The following TMEM181 variants were observed in gnomAD, a reference collection of about 807,000 sequenced individuals.
TMEM181 encodes the protein transmembrane protein 181, also known as G protein-coupled receptor 178.
A neutral mutation model predicts 71.9 loss-of-function variants in TMEM181; 39 were observed. That is an observed-to-expected ratio of 0.54 (90% confidence interval 0.42 to 0.71). The LOEUF (loss-of-function observed/expected upper bound fraction) is 0.71. Among genes scored for constraint, TMEM181 ranks in the 30% least tolerant of loss-of-function variants. TMEM181 has a pLI of 0.00. For synonymous variants in TMEM181, 245 were observed against 228.8 expected, an observed-to-expected ratio of 1.07 and a Z score of -0.64; for missense variants, 595 against 583.0, an observed-to-expected ratio of 1.02 and a Z score of -0.21.
At chr6:158,626,825 C>A in intron 13 of TMEM181, 1 of 442,682 alleles carries the variant, frequency 2.3e-6, no homozygotes, top group South Asian at 1.6e-5. Flanking sequence ...CCCTCACACA[C>A]ACACCTTCAC....
chr6:158,588,556 T>C (rs1354810012), intron 5 of TMEM181, among the ~76,000 whole-genome samples: 3 of 152,198 alleles, frequency 2.0e-5, no homozygotes, highest in African/African-American at 7.2e-5. Flanking sequence ...TTCAAGGGAT[T>C]CTCCTGCCTC....
At chr6:158,584,931 C>A (rs575896921) in intron 4 of TMEM181, among the ~76,000 whole-genome samples, 1 of 151,774 alleles carries the variant, frequency 6.6e-6, no homozygotes, top group African/African-American at 2.4e-5. Flanking sequence ...TGAGAAAAAC[C>A]TATAATCAGA....
At chr6:158,592,785 G>C (rs1174206536) in intron 6 of TMEM181, among the ~76,000 whole-genome samples, 2 of 152,102 alleles carry the variant, frequency 1.3e-5, no homozygotes, top group Non-Finnish European at 2.9e-5. Context: ...ATGCATGGTG[G>C]TGCACACCTG....
intron 6 of TMEM181, among the ~76,000 whole-genome samples, chr6:158,598,553 G>A (rs935809551): frequency 1.3e-5 from 2 of 151,914 alleles, no homozygotes; most frequent in African/African-American, 4.8e-5. Context: ...GTGCTGCCCG[G>A]CTTCTCAGAC....
chr6:158,548,796 G>A (rs1168677024), intron 1 of TMEM181, among the ~76,000 whole-genome samples: 1 of 152,228 alleles, frequency 6.6e-6, no homozygotes, highest in Non-Finnish European at 1.5e-5. Flanking sequence ...GAAGTCATAG[G>A]AGACAATGAT....
At chr6:158,595,925 A>T (rs1305967141) in intron 6 of TMEM181, among the ~76,000 whole-genome samples, 2 of 151,806 alleles carry the variant, frequency 1.3e-5, no homozygotes, top group South Asian at 2.1e-4. Context: ...CTTTTTATTT[A>T]TTTTTATTTT....
chr6:158,579,889 A>G (rs1273379224), intron 2 of TMEM181, among the ~76,000 whole-genome samples: 2 of 152,174 alleles, frequency 1.3e-5, no homozygotes, highest in East Asian at 1.9e-4. Flanking sequence ...CAAGACAGAA[A>G]GTAGAGTGGT....
chr6:158,572,401 C>A (rs968671843), intron 1 of TMEM181: 9 of 456,580 alleles, frequency 2.0e-5, no homozygotes, highest in African/African-American at 8.0e-5. Context: ...CTCCCAAGAC[C>A]AGAACATGCG....
chr6:158,613,347 G>A (rs1204001860), intron 10 of TMEM181, among the ~76,000 whole-genome samples: 6 of 152,140 alleles, frequency 3.9e-5, no homozygotes, highest in Non-Finnish European at 5.9e-5. Context: ...TGTATACAGT[G>A]CAGCAAGAGT....
Position 158,585,434 on chromosome 6 carries a change from G to T in TMEM181, c.381+9G>T. 1 of 1,578,246 alleles carries T rather than the reference G, an allele frequency of 6.3e-7. No homozygotes were observed. Among genetic ancestry groups the T allele is most frequent in the Non-Finnish European group, 8.6e-7 (1 of 1,165,598 alleles). On this transcript the variant is annotated intron_variant, in intron 5 of 16. Coordinates refer to ENST00000684151, the MANE Select transcript of TMEM181 (RefSeq NM_001376852.1). ...CCCTCACATGTGCAGGGGTGAGTGT[G>T]TGGGGTGAGCCCCACAGTCAGTCCT...
At chr6:158,554,570 C>T (rs1264259276) in intron 1 of TMEM181, among the ~76,000 whole-genome samples, 2 of 152,180 alleles carry the variant, frequency 1.3e-5, no homozygotes, top group Non-Finnish European at 2.9e-5. Flanking sequence ...CTTCATTATA[C>T]ATTGTTTTGC....
intron 1 of TMEM181, among the ~76,000 whole-genome samples, chr6:158,539,739 C>A (rs1201464985): frequency 6.6e-6 from 1 of 152,214 alleles, no homozygotes; most frequent in Non-Finnish European, 1.5e-5. Context: ...TGAGAGGTGA[C>A]AGTTGTACTG....
At chr6:158,563,733 C>T (rs1275034807) in intron 1 of TMEM181, among the ~76,000 whole-genome samples, 2 of 152,238 alleles carry the variant, frequency 1.3e-5, no homozygotes, top group Non-Finnish European at 2.9e-5. Context: ...CTCACCAGTC[C>T]TTGGGTAGCT....
intron 10 of TMEM181, among the ~76,000 whole-genome samples, chr6:158,619,936 A>G (rs1032156987): frequency 6.6e-6 from 1 of 151,538 alleles, no homozygotes; most frequent in African/African-American, 2.4e-5. Context: ...AGGGTAGAGG[A>G]AAGCCTGAGT....
chr6:158,631,525 G>T, intron 16 of TMEM181, 136 bp downstream of exon 16: 1 of 1,006,062 alleles, frequency 9.9e-7, no homozygotes, highest in South Asian at 1.4e-5. Flanking sequence ...AGTGGCTCGT[G>T]GTTTTCTGTT....
chr6:158,549,555 A>C (rs958816998), intron 1 of TMEM181, among the ~76,000 whole-genome samples: 1 of 152,248 alleles, frequency 6.6e-6, no homozygotes, highest in Non-Finnish European at 1.5e-5. Context: ...TGTCAGCCTA[A>C]ATAACAAACA....
chr6:158,618,949 A>C (rs988361254), intron 10 of TMEM181, among the ~76,000 whole-genome samples: 1 of 152,150 alleles, frequency 6.6e-6, no homozygotes, highest in African/African-American at 2.4e-5. Context: ...AACCTTGGTG[A>C]ATCTGACAAT....
intron 1 of TMEM181, among the ~76,000 whole-genome samples, chr6:158,542,383 T>C (rs1385460450): frequency 6.6e-6 from 1 of 152,224 alleles, no homozygotes; most frequent in Non-Finnish European, 1.5e-5. Flanking sequence ...AGTGTTTACA[T>C]GCATCATCTT....
chr6:158,568,055 C>T (rs1782608124), intron 1 of TMEM181, among the ~76,000 whole-genome samples: 1 of 151,766 alleles, frequency 6.6e-6, no homozygotes, highest in Non-Finnish European at 1.5e-5. Context: ...GTTTTTGGGG[C>T]CTGAACAGTG....
Sources: allele counts gnomAD v4.1 joint callset (sites outside exome capture counted in the v4.1 genomes callset), GRCh38; gene constraint gnomAD v4.1.1; transcripts MANE v1.5; gene names NCBI Gene and HGNC (gene_info 2026-07-23, HGNC 2026-07-21).